The following EXOC4 variants were observed in gnomAD, a reference collection of about 807,000 sequenced individuals.
EXOC4 encodes exocyst complex component 4.
Under a neutral mutation model 107.2 loss-of-function variants are expected in EXOC4, and 71 were observed. That is an observed-to-expected ratio of 0.66 (90% CI 0.55 to 0.81). The LOEUF is 0.81. Among genes scored for constraint, EXOC4 ranks in the 30% least tolerant of loss-of-function variants. EXOC4 has a pLI of 0.00. For synonymous variants in EXOC4, 456 were observed against 441.2 expected (o/e 1.03, Z -0.42); for missense variants, 1,108 against 1,189.6 (o/e 0.93, Z 1.01).
chr7:134,075,067 C>T, the EXOC4 span, among the ~76,000 whole-genome samples: 1 of 152,218 alleles, frequency 6.6e-6, no homozygotes, highest in Non-Finnish European at 1.5e-5. Flanking sequence ...AGGATCAGCA[C>T]AGTGCAGTCA....
chr7:133,485,066 C>T (rs1288139862), intron 9 of EXOC4, among the ~76,000 whole-genome samples: 14 of 112,470 alleles, frequency 1.2e-4, no homozygotes, highest in Non-Finnish European at 2.0e-4. Context: ...GGAGACACAG[C>T]GAGACTCCGT....
chr7:134,065,879 A>G (rs989803294), downstream of EXOC4: 2 of 152,212 alleles, frequency 1.3e-5, no homozygotes, highest in African/African-American at 4.8e-5. Flanking sequence ...CACCCTTATT[A>G]TCTAAGAGTG....
chr7:133,936,476 A>C lies in EXOC4; in HGVS notation c.2028-1415A>C, dbSNP rs147077669. ...ACTTAATTTGGCTTGTTCTAGTTAA[A>C]TTAAGCCCTTGCTTCTTCTCAGGTA... is the stretch of plus-strand genomic sequence containing the variant. On this transcript the variant is annotated intron_variant, in intron 13 of 17. Coordinates refer to ENST00000253861, the MANE Select transcript of EXOC4 (RefSeq NM_021807.4). Among the ~76,000 whole-genome samples, 156 of 152,296 alleles carry C rather than the reference A, an allele frequency of 1.0e-3. 1 individual carries two copies. Among genetic ancestry groups the C allele is most frequent in the African/African-American group, 3.5e-3 (145 of 41,578 alleles).
intron 7 of EXOC4, among the ~76,000 whole-genome samples, chr7:133,387,306 T>C (rs1796750207): frequency 6.6e-6 from 1 of 152,204 alleles, no homozygotes; most frequent in African/African-American, 2.4e-5. Flanking sequence ...CTGCAACATA[T>C]AGTAAATGAA....
At chr7:134,021,281 T>A (rs1795022168) in intron 17 of EXOC4, among the ~76,000 whole-genome samples, 1 of 152,204 alleles carries the variant, frequency 6.6e-6, no homozygotes, top group Non-Finnish European at 1.5e-5. Flanking sequence ...ATGGATGAAT[T>A]AATGAGGAAG....
At chr7:133,275,300 T>C in intron 2 of EXOC4, 129 bp downstream of exon 2, 1 of 685,876 alleles carries the variant, frequency 1.5e-6, no homozygotes, top group East Asian at 3.1e-5. Flanking sequence ...TTTCAGGAGT[T>C]CTGCAGGTGT....
intron 9 of EXOC4, among the ~76,000 whole-genome samples, chr7:133,605,289 AT>A (rs1756607202): frequency 6.6e-6 from 1 of 152,314 alleles, no homozygotes; most frequent in African/African-American, 2.4e-5. Flanking sequence ...TGAATATTTC[AT>A]TGAGATAAAA....
intron 9 of EXOC4, among the ~76,000 whole-genome samples, chr7:133,533,267 T>A (rs1174140385): frequency 6.6e-6 from 1 of 152,116 alleles, no homozygotes; most frequent in Admixed American, 6.5e-5. Flanking sequence ...ATTCTGAGAC[T>A]GTTATGTCTG....
intron 9 of EXOC4, among the ~76,000 whole-genome samples, chr7:133,602,649 G>A (rs1322811905): frequency 6.6e-6 from 1 of 152,212 alleles, no homozygotes; most frequent in Non-Finnish European, 1.5e-5. Context: ...AAACAAAGCT[G>A]CCATGATGAG....
At chr7:133,493,173 C>G (rs1181522866) in intron 9 of EXOC4, among the ~76,000 whole-genome samples, 1 of 152,018 alleles carries the variant, frequency 6.6e-6, no homozygotes, top group African/African-American at 2.4e-5. Context: ...GCCTGTAATC[C>G]CAGCACTTTG....
At chr7:133,856,891 G>C (rs1481408764) in intron 11 of EXOC4, among the ~76,000 whole-genome samples, 1 of 151,288 alleles carries the variant, frequency 6.6e-6, no homozygotes, top group Non-Finnish European at 1.5e-5. Flanking sequence ...ACGAGGTCAG[G>C]AGATCGAGAC....
At chr7:133,800,295 T>G (rs1796911038) in intron 10 of EXOC4, among the ~76,000 whole-genome samples, 1 of 152,234 alleles carries the variant, frequency 6.6e-6, no homozygotes, top group South Asian at 2.1e-4. Flanking sequence ...CTTGTACTTT[T>G]GAAAATAAAT....
chr7:133,817,222 C>A, intron 10 of EXOC4, 103 bp from the exon 11 acceptor site: 2 of 761,570 alleles, frequency 2.6e-6, no homozygotes, highest in Non-Finnish European at 4.4e-6. Flanking sequence ...GACCTGCCCT[C>A]TTCACAGAAA....
rs747561249 is a variant in EXOC4 at position 133,997,450 on chromosome 7, G to A, written c.2207-42G>A. Reference sequence around the variant, plus strand: ...ATATGTCATTTCAGAAAAATCTGTAGGCATCTAATGAAATGATTGGTGTTT... The same window carrying A: ...ATATGTCATTTCAGAAAAATCTGTAAGCATCTAATGAAATGATTGGTGTTT... On this transcript the variant is annotated intron_variant, in intron 14 of 17. Transcript: ENST00000253861. 2.5e-6 allele frequency: 4 copies of A among 1,606,464 alleles called. No homozygotes were observed. In the South Asian group the frequency reaches 3.3e-5, roughly 13 times the overall value.
chr7:133,642,834 G>A (rs10954422), intron 10 of EXOC4, among the ~76,000 whole-genome samples: 63,890 of 151,788 alleles, frequency 0.42, 14,384 homozygotes, highest in Admixed American at 0.56. Flanking sequence ...CCTTTTTCCA[G>A]GTCTGTCATG....
intron 7 of EXOC4, chr7:133,396,091 A>G (rs1796965543): frequency 6.6e-6 from 1 of 152,162 alleles, no homozygotes; most frequent in South Asian, 2.1e-4. Flanking sequence ...TCACTTAGGA[A>G]CTAGTTAGAA....
At chr7:133,798,805 T>C (rs1396174461) in intron 10 of EXOC4, among the ~76,000 whole-genome samples, 1 of 152,016 alleles carries the variant, frequency 6.6e-6, no homozygotes, top group Non-Finnish European at 1.5e-5. Flanking sequence ...AAAAATAAAA[T>C]AAAATAAAAG....
chr7:133,676,817 T>C lies in EXOC4; in HGVS notation c.1514+46676T>C, dbSNP rs1055287333. On this transcript the variant is annotated intron_variant, in intron 10 of 17. Coordinates refer to ENST00000253861, the MANE Select transcript of EXOC4 (RefSeq NM_021807.4). ...TTTTCATTAGTTAAAAGTCTGTTCTTAAGATCTCTTATTTACAGTAGGAGT... is the reference window on the plus strand; with the variant it reads ...TTTTCATTAGTTAAAAGTCTGTTCTCAAGATCTCTTATTTACAGTAGGAGT... 2.0e-5 allele frequency among the ~76,000 whole-genome samples: 3 copies of C among 152,274 alleles called. No individual in the cohort carries two copies. The East Asian group carries it at 5.8e-4, about 29-fold the overall frequency.
At chr7:133,614,233 T>C (rs984061916) in intron 9 of EXOC4, among the ~76,000 whole-genome samples, 1 of 152,186 alleles carries the variant, frequency 6.6e-6, no homozygotes, top group African/African-American at 2.4e-5. Flanking sequence ...CTAACTCTAC[T>C]CTTTTGTGCA....
Sources: gnomAD v4.1 joint callset for allele counts (sites outside exome capture counted in the v4.1 genomes callset) on GRCh38, gnomAD v4.1.1 for gene constraint, MANE v1.5 for transcripts, NCBI Gene and HGNC (gene_info 2026-07-23, HGNC 2026-07-21) for gene names.